The following DNAI4 variants were observed in gnomAD, a reference collection of about 807,000 sequenced individuals.
The protein encoded by DNAI4 is WD repeat domain 78.
A neutral mutation model predicts 105.8 loss-of-function variants in DNAI4; 85 were observed. The observed-to-expected ratio is 0.80, with a 90% CI of 0.67 to 0.96. The LOEUF is 0.96. Among genes scored for constraint, DNAI4 ranks in the 40% least tolerant of loss-of-function variants. The pLI is 0.00. For synonymous variants in DNAI4, 352 were observed against 331.5 expected, an observed-to-expected ratio of 1.06 and a Z score of -0.67; for missense variants, 1,014 against 1,005.6, an observed-to-expected ratio of 1.01 and a Z score of -0.11.
At position 66,893,231 on chromosome 1, in the gene DNAI4, T is replaced by G. The variant is rs1473498479; in HGVS notation, c.528A>C (p.Thr176=). ...TINPSTLGQF[T]RSVLGSSTVS... ...AACTATATAATAGTATACTCTACCT[T>G]GTAAACTGCCCTAACGTACTAGGAT... Residue 176 remains threonine, a splice_region_variant and synonymous_variant, in exon 3 of 17, where the codon ACA becomes ACC. Coordinates refer to ENST00000371026, the MANE Select transcript of DNAI4 (RefSeq NM_024763.5). The G allele has an allele frequency of 3.9e-6, 6 of 1,552,286 alleles. No homozygotes were observed. The South Asian group carries it at 7.4e-5, about 19-fold the overall frequency.
At chr1:66,876,778 T>A (rs1646967030) in intron 4 of DNAI4, among the ~76,000 whole-genome samples, 1 of 152,122 alleles carries the variant, frequency 6.6e-6, no homozygotes, top group African/African-American at 2.4e-5. Flanking sequence ...TCTATCAATC[T>A]GTTTTGCCTG....
intron 1 of DNAI4, among the ~76,000 whole-genome samples, chr1:66,911,846 TTTTTC>T (rs1460142614): frequency 6.7e-6 from 1 of 150,282 alleles, no homozygotes; most frequent in East Asian, 2.0e-4. Context: ...GATGCATATT[TTTTTC>T]TTTTCTTTGA....
At chr1:66,921,109 T>C (rs535072609) in intron 1 of DNAI4, 1 of 152,354 alleles carries the variant, frequency 6.6e-6, no homozygotes, top group South Asian at 2.1e-4. Flanking sequence ...GTGATTAATA[T>C]GCTAAGGGTT....
At chr1:66,868,283 C>G (rs1006351145) in intron 6 of DNAI4, among the ~76,000 whole-genome samples, 1 of 152,008 alleles carries the variant, frequency 6.6e-6, no homozygotes, top group African/African-American at 2.4e-5. Context: ...ACAAAATATC[C>G]TCATATTTTA....
chr1:66,822,844 T>C (rs1645660825), intron 15 of DNAI4, among the ~76,000 whole-genome samples: 1 of 152,164 alleles, frequency 6.6e-6, no homozygotes, highest in Admixed American at 6.5e-5. Flanking sequence ...CAGTCTATTG[T>C]AAAGATATTT....
Position 66,813,990 on chromosome 1 carries a change from A to G in DNAI4, c.*140T>C. The G allele has an allele frequency of 3.5e-6, 2 of 576,548 alleles. No individual in the cohort carries two copies. Among genetic ancestry groups the G allele is most frequent in the South Asian group, 6.0e-5 (2 of 33,458 alleles). 35.7% of individuals were successfully genotyped at this position (576,548 alleles called of 1,614,324 possible). ...TCAAATATCTCTGAAATAAAAGTTT[A>G]TTAAATTTAAATTAAGTGGAAGTTA... is the stretch of plus-strand genomic sequence containing the variant. On this transcript the variant is annotated 3_prime_UTR_variant, in exon 17 of 17. Coordinates refer to ENST00000371026, the MANE Select transcript of DNAI4 (RefSeq NM_024763.5).
Position 66,862,161 on chromosome 1 carries a change from C to G in DNAI4, c.1082G>C (p.Ser361Thr). The G allele has an allele frequency of 6.3e-7, 1 of 1,578,894 alleles. No homozygotes were observed. Among genetic ancestry groups the G allele is most frequent in the Non-Finnish European group, 8.6e-7 (1 of 1,168,416 alleles). The change falls in exon 7 of 17, where the codon AGC becomes ACC. Residue 361 changes from serine (S) to threonine (T), a missense_variant. Coordinates refer to ENST00000371026, the MANE Select transcript of DNAI4 (RefSeq NM_024763.5). Reference protein sequence around the residue: ...PKDQDQRLPGSTTEKNSETSS... With the variant: ...PKDQDQRLPGTTTEKNSETSS... The stretch of plus-strand genomic sequence containing the variant: ...TGAAATCTTACTTTTTTCTGTAGTG[C>G]TCCCTGGCAATCTTTGGTCCTGATC...
intron 16 of DNAI4, among the ~76,000 whole-genome samples, chr1:66,819,626 C>G (rs1360395025): frequency 6.6e-6 from 1 of 152,024 alleles, no homozygotes; most frequent in Non-Finnish European, 1.5e-5. Flanking sequence ...GTACGAAATA[C>G]TGCAACTTAT....
intron 7 of DNAI4, among the ~76,000 whole-genome samples, chr1:66,855,859 G>A (rs1441153736): frequency 1.3e-5 from 2 of 152,154 alleles, no homozygotes. Context: ...TTGAGACAGA[G>A]TTTCACTCTT....
chr1:66,870,785 T>C (rs1242063353), intron 6 of DNAI4: 4 of 73,344 alleles, frequency 5.5e-5, no homozygotes, highest in Admixed American at 4.3e-4. Context: ...AAAGGAAAAA[T>C]ATAACTTTGC....
At chr1:66,829,463 A>T (rs1029386173) in intron 13 of DNAI4, among the ~76,000 whole-genome samples, 1 of 152,182 alleles carries the variant, frequency 6.6e-6, no homozygotes, top group Non-Finnish European at 1.5e-5. Context: ...AAAAATCACA[A>T]GTTATAAATA....
intron 1 of DNAI4, among the ~76,000 whole-genome samples, chr1:66,917,921 CA>C (rs1650184738): frequency 6.6e-6 from 1 of 152,188 alleles, no homozygotes; most frequent in Non-Finnish European, 1.5e-5. Context: ...AAACTGGCCT[CA>C]TATTTTGTGT....
intron 7 of DNAI4, among the ~76,000 whole-genome samples, chr1:66,853,318 C>A (rs183331785): frequency 6.6e-6 from 1 of 152,192 alleles, no homozygotes; most frequent in Non-Finnish European, 1.5e-5. Context: ...AAAGAAAACA[C>A]GGCTGAGTCA....
chr1:66,903,226 T>G (rs1488621129), intron 2 of DNAI4, among the ~76,000 whole-genome samples: 1 of 152,232 alleles, frequency 6.6e-6, no homozygotes, highest in African/African-American at 2.4e-5. Flanking sequence ...TTGTGTTTTG[T>G]AGTTTTCAGC....
intron 2 of DNAI4, 40 bp from the exon 3 acceptor site, chr1:66,893,453 G>A: frequency 7.3e-7 from 1 of 1,360,580 alleles, no homozygotes; most frequent in African/African-American, 1.5e-5. Context: ...AACTAAAAAA[G>A]ACAGGGCTTC....
intron 16 of DNAI4, among the ~76,000 whole-genome samples, chr1:66,817,608 C>T (rs190660913): frequency 1.3e-5 from 2 of 151,904 alleles, no homozygotes; most frequent in African/African-American, 4.8e-5. Flanking sequence ...GATAGAATCT[C>T]ATCTAATCAG....
intron 4 of DNAI4, among the ~76,000 whole-genome samples, chr1:66,879,676 A>G (rs1314700481): frequency 6.6e-6 from 1 of 152,216 alleles, no homozygotes. Flanking sequence ...CTATTTCTCC[A>G]CATCTTTGCC....
In DNAI4 at chr1:66,813,299, C is replaced by T. The variant is rs544900154; in HGVS notation, c.*831G>A. ...TGTTAAAACAAACTGCATAGAATGG[C>T]CTGTTAGCAATGAATATTTGGAGGA... is the stretch of plus-strand genomic sequence containing the variant. On this transcript the variant is annotated 3_prime_UTR_variant, in exon 17 of 17. Coordinates refer to ENST00000371026, the MANE Select transcript of DNAI4 (RefSeq NM_024763.5). The T allele has an allele frequency of 2.0e-5, 3 of 152,476 alleles. No individual in the cohort carries two copies. In the South Asian group the frequency reaches 6.2e-4, roughly 32 times the overall value. 9.4% of individuals were successfully genotyped at this position (152,476 alleles called of 1,614,324 possible).
chr1:66,833,683 T>C lies in DNAI4; in HGVS notation c.1915A>G (p.Thr639Ala), dbSNP rs1040317148. The C allele has an allele frequency of 1.2e-6, 2 of 1,613,214 alleles. No homozygotes were observed. The highest frequency in any genetic ancestry group is 1.7e-5 in the Admixed American group (1 of 59,904). ...CYDLMRLKRTTAASNKKGGEK... is the reference protein window; with the variant it reads ...CYDLMRLKRTAAASNKKGGEK... The stretch of plus-strand genomic sequence containing the variant: ...CCTCCTTTTTTGTTACTGGCAGCTG[T>C]AGTTCTCTTTAATCGCATCAAATCT... The change falls in exon 13 of 17, where the codon ACA becomes GCA. Residue 639 changes from threonine (T) to alanine (A), a missense_variant. Physicochemically the swap from Thr to Ala is moderately conservative, Grantham distance 58. Transcript: ENST00000371026.
Sources: allele counts gnomAD v4.1 joint callset (sites outside exome capture counted in the v4.1 genomes callset), GRCh38; gene constraint gnomAD v4.1.1; transcripts MANE v1.5; gene names NCBI Gene and HGNC (gene_info 2026-07-23, HGNC 2026-07-21).